LEO1: variants seen among roughly 807,000 people sequenced by gnomAD.
The protein encoded by LEO1 is LEO1 component of Paf1/RNA polymerase II complex.
A neutral mutation model predicts 80.4 loss-of-function variants in LEO1; 34 were observed. The ratio of observed to expected loss-of-function variants is 0.42; its 90% CI spans 0.32 to 0.56. The LOEUF is 0.56. Ranked by LOEUF, LEO1 falls within the 20% of genes least tolerant of loss-of-function variation. LEO1 has a pLI of 0.10. For synonymous variants in LEO1, 262 were observed against 274.9 expected (o/e 0.95, Z 0.46); for missense variants, 631 against 814.2 (o/e 0.77, Z 2.74).
chr15:51,960,081 C>T (rs552724797), intron 4 of LEO1, 37 bp from the exon 5 acceptor site: 2 of 1,553,308 alleles, frequency 1.3e-6, no homozygotes, highest in East Asian at 2.3e-5. Flanking sequence ...CTTGACAGGA[C>T]CTTAGAAATG....
Position 51,942,919 on chromosome 15 carries a change from C to T in LEO1, c.1896+4373G>A, listed in dbSNP as rs199862099. ...CCTGGGCAACAGAATGAGACTTTGT[C>T]TCAAAAAAAAAAAAAAAACCAAAAA... is the stretch of plus-strand genomic sequence containing the variant. On this transcript the variant is annotated intron_variant, in intron 11 of 11. Transcript: ENST00000299601. Among the ~76,000 whole-genome samples the T allele has an allele frequency of 2.9e-4, 38 of 129,342 alleles. No homozygotes were observed. In the East Asian group the frequency reaches 6.9e-3, roughly 23 times the overall value. 84.9% of individuals were successfully genotyped at this position (129,342 alleles called of 152,430 possible). A position where few individuals can be genotyped will look rare whatever the true frequency, so the allele number is the denominator to read the frequency against.
rs530443230 is a variant in LEO1 at position 51,967,439 on chromosome 15, C to T, written c.59-935G>A. Among the ~76,000 whole-genome samples the T allele has an allele frequency of 2.6e-5, 4 of 152,296 alleles. No homozygotes were observed. The East Asian group carries it at 7.7e-4, about 29-fold the overall frequency. On this transcript the variant is annotated intron_variant, in intron 1 of 11. Transcript: ENST00000299601. ...AGTGAGCCGAGACCACACCATTGCA[C>T]TCTAGCCTGAGTGACAAAGCGAGAC...
intron 5 of LEO1, 26 bp downstream of exon 5, chr15:51,959,873 G>GA (rs762367883): frequency 3.9e-6 from 6 of 1,539,338 alleles, no homozygotes; most frequent in African/African-American, 2.8e-5. Context: ...TCAACATCCT[G>GA]AAAAAATTTT....
rs2057074596 is a variant in LEO1 at position 51,966,074 on chromosome 15, A to T, written c.489T>A (p.Asp163Glu). 1 of 1,613,790 alleles carries T rather than the reference A, an allele frequency of 6.2e-7. No individual in the cohort carries two copies. The highest frequency in any genetic ancestry group is 1.3e-5 in the African/African-American group (1 of 74,870). ...QSDDEKIQNS[D>E]DEERAQGSDE... is the part of the protein sequence containing the mutation. ...CAGATCCTTGTGCCCTCTCCTCATCATCAGAATTTTGTATCTTTTCATCAT... is the reference window on the plus strand; with the variant it reads ...CAGATCCTTGTGCCCTCTCCTCATCTTCAGAATTTTGTATCTTTTCATCAT... The change falls in exon 2 of 12, where the codon GAT becomes GAA. Residue 163 changes from aspartate (D) to glutamate (E), a missense_variant. Physicochemically the swap from Asp to Glu is conservative, Grantham distance 45. Coordinates refer to ENST00000299601, the MANE Select transcript of LEO1 (RefSeq NM_138792.4).
chr15:51,941,352 G>A (rs980079091), intron 11 of LEO1, among the ~76,000 whole-genome samples: 10 of 152,288 alleles, frequency 6.6e-5, no homozygotes, highest in African/African-American at 2.4e-4. Context: ...GCAGGTCCCT[G>A]TAGATACAGA....
chr15:51,969,360 C>T (rs536072611), intron 1 of LEO1, among the ~76,000 whole-genome samples: 21 of 152,088 alleles, frequency 1.4e-4, no homozygotes, highest in African/African-American at 2.2e-4. Context: ...AACGGCTGGG[C>T]GCAGTGGCTC....
intron 6 of LEO1, among the ~76,000 whole-genome samples, chr15:51,956,362 G>C (rs1053644916): frequency 5.4e-5 from 8 of 147,364 alleles, no homozygotes; most frequent in Admixed American, 4.2e-4. Context: ...GGGGGTTGCA[G>C]TGAGCTGAGA....
chr15:51,969,700 G>C (rs3099570), intron 1 of LEO1, among the ~76,000 whole-genome samples: 7,233 of 152,018 alleles, frequency 0.048, 404 homozygotes, highest in African/African-American at 0.12. Flanking sequence ...AAATTAGTAG[G>C]GTATGGTGGC....
intron 11 of LEO1, among the ~76,000 whole-genome samples, chr15:51,944,166 T>A (rs2056880681): frequency 6.6e-6 from 1 of 152,016 alleles, no homozygotes; most frequent in African/African-American, 2.4e-5. Context: ...TACATCACAG[T>A]AAAAATGCTG....
At chr15:51,949,740 T>TGG in intron 10 of LEO1, 68 bp downstream of exon 10, 1 of 1,352,176 alleles carries the variant, frequency 7.4e-7, no homozygotes, top group South Asian at 1.3e-5. Flanking sequence ...GCAGCCGGAT[T>TGG]ACATCTAATG....
At chr15:51,945,084 T>C (rs972421959) in intron 11 of LEO1, among the ~76,000 whole-genome samples, 25 of 151,992 alleles carry the variant, frequency 1.6e-4, no homozygotes, top group African/African-American at 6.0e-4. Flanking sequence ...TTCTCTCCTC[T>C]GCTGAAAACT....
Position 51,938,198 on chromosome 15 carries a change from C to G in LEO1, c.1959G>C (p.Lys653Asn). The change falls in exon 12 of 12, where the codon AAG becomes AAC. Residue 653 changes from lysine to asparagine, a missense_variant. Physicochemically the swap from Lys to Asn is moderately conservative, Grantham distance 94 (BLOSUM62 0). This residue lies in a region of LEO1 where 117 missense variants were observed against 163.5 expected (regional missense o/e 0.72). Transcript: ENST00000299601. ...CCTCTTCATCGCTGATCACATACTT[C>G]TTATGCTTTTTATTTGCTTTATCAT... is the stretch of plus-strand genomic sequence containing the variant. ...EDDDKANKKH[K>N]KYVISDEEEE... 1 of 1,610,760 alleles carries G rather than the reference C, an allele frequency of 6.2e-7. No individual in the cohort carries two copies. The highest frequency in any genetic ancestry group is 8.5e-7 in the Non-Finnish European group (1 of 1,177,908).
chr15:51,964,291 A>G (rs914666037), intron 2 of LEO1, among the ~76,000 whole-genome samples: 7 of 152,166 alleles, frequency 4.6e-5, no homozygotes, highest in Non-Finnish European at 8.8e-5. Flanking sequence ...TCAGCAAACT[A>G]TCACAAGGAC....
intron 10 of LEO1, among the ~76,000 whole-genome samples, chr15:51,948,613 T>C (rs2056921440): frequency 6.6e-6 from 1 of 152,240 alleles, no homozygotes; most frequent in African/African-American, 2.4e-5. Context: ...GGCTCTGGGC[T>C]AAGTACTTTA....
chr15:51,960,882 AC>A, intron 3 of LEO1, 149 bp from the exon 4 acceptor site: 1 of 597,822 alleles, frequency 1.7e-6, no homozygotes, highest in African/African-American at 1.9e-5. Context: ...CAAAGACCCA[AC>A]CAGAGAGTGT....
intron 6 of LEO1, among the ~76,000 whole-genome samples, chr15:51,958,447 C>T (rs945581585): frequency 4.6e-5 from 7 of 152,130 alleles, no homozygotes; most frequent in Admixed American, 3.3e-4. Flanking sequence ...AGAGCAAGAC[C>T]GTGTCTCAAA....
chr15:51,949,977 C>T lies in LEO1; in HGVS notation c.1629G>A (p.Leu543=), dbSNP rs753512737. 3 of 1,612,024 alleles carry T rather than the reference C, an allele frequency of 1.9e-6. No homozygotes were observed. The South Asian group carries it at 3.3e-5, about 18-fold the overall frequency. The change falls in exon 10 of 12, where the codon TTG becomes TTA. Residue 543 remains leucine (L), a synonymous_variant. Coordinates refer to ENST00000299601, the MANE Select transcript of LEO1 (RefSeq NM_138792.4). ...GAGATTCCCTACGTATGGAAGCCCT[C>T]AAACGTTCTTCTTCTTTCTGTAAAG... ...TEMIKKEEER[L]RASIRRESQQ... is the part of the protein sequence containing the mutation.
rs1160353007 is a variant in LEO1 at position 51,966,224 on chromosome 15, A to G, written c.339T>C (p.Pro113=). ...TATGACCTTCGTCTTCATCATCATTAGGGGCTTCTGATCCACTGTGCTGAT... is the reference window on the plus strand; with the variant it reads ...TATGACCTTCGTCTTCATCATCATTGGGGGCTTCTGATCCACTGTGCTGAT... ...DVDQHSGSEA[P]NDDEDEGHRS... Residue 113 remains proline (P), a synonymous_variant, in exon 2 of 12, where the codon CCT becomes CCC. Transcript: ENST00000299601. 6.2e-7 allele frequency: 1 copy of G among 1,613,900 alleles called. No individual in the cohort carries two copies.
In LEO1 at chr15:51,938,355, C is replaced by T. The variant is rs1261654401; in HGVS notation, c.1897-95G>A. 18 of 694,272 alleles carry T rather than the reference C, an allele frequency of 2.6e-5. No homozygotes were observed. The South Asian group carries it at 3.2e-4, about 12-fold the overall frequency. 43.0% of individuals were successfully genotyped at this position (694,272 alleles called of 1,614,324 possible). On this transcript the variant is annotated intron_variant, in intron 11 of 11. Transcript: ENST00000299601. ...AGCTATGAGCTGAATGACCCTCTGA[C>T]AACTCAAAGTAACGGTTCCTGCAGG... is the stretch of plus-strand genomic sequence containing the variant.
Sources: gnomAD v4.1 joint callset for allele counts (sites outside exome capture counted in the v4.1 genomes callset) on GRCh38, gnomAD v4.1.1 for gene constraint, gnomAD v4.1.1 regional missense constraint, MANE v1.5 for transcripts, NCBI Gene and HGNC (gene_info 2026-07-23, HGNC 2026-07-21) for gene names.